KDM4B: variants seen among roughly 807,000 people sequenced by gnomAD.
KDM4B encodes the protein lysine-specific demethylase 4B.
A neutral mutation model predicts 125.2 loss-of-function variants in KDM4B; 32 were observed. That is an observed-to-expected ratio of 0.26 (90% CI 0.19 to 0.34). The LOEUF is 0.34. Ranked by LOEUF, KDM4B falls within the 10% of genes least tolerant of loss-of-function variation. The probability of loss-of-function intolerance (pLI) is 1.00; values close to 1 mark genes in which losing one functional copy is unlikely to be tolerated. For missense variants in KDM4B, 1,190 were observed against 1,577.7 expected (o/e 0.75, Z 4.16); for synonymous variants, 721 against 677.9 (o/e 1.06, Z -0.99).
chr19:5,005,593 T>C (rs1000504403), intron 1 of KDM4B, among the ~76,000 whole-genome samples: 1 of 152,140 alleles, frequency 6.6e-6, no homozygotes, highest in Non-Finnish European at 1.5e-5. Flanking sequence ...GGGGTTCACC[T>C]TCCTTTATTT....
intron 6 of KDM4B, among the ~76,000 whole-genome samples, chr19:5,064,009 G>T (rs1182943532): frequency 6.6e-6 from 1 of 152,212 alleles, no homozygotes; most frequent in Non-Finnish European, 1.5e-5. Flanking sequence ...CCCTGTAGCC[G>T]GCTTGCTCTC....
intron 6 of KDM4B, among the ~76,000 whole-genome samples, chr19:5,068,259 T>A (rs2037838170): frequency 6.6e-6 from 1 of 152,070 alleles, no homozygotes; most frequent in East Asian, 1.9e-4. Context: ...GCTCCCTGAG[T>A]CTCTTGTCCT....
intron 3 of KDM4B, among the ~76,000 whole-genome samples, chr19:5,037,101 T>C (rs1014469089): frequency 3.9e-5 from 6 of 152,228 alleles, no homozygotes; most frequent in African/African-American, 1.4e-4. Context: ...GCGAAGTGTT[T>C]TTGTTCATTT....
rs758530386 is a variant in KDM4B at position 5,132,015 on chromosome 19, G to C, written c.1906+8G>C. 3 of 1,601,428 alleles carry C rather than the reference G, an allele frequency of 1.9e-6. No individual in the cohort carries two copies. The highest frequency in any genetic ancestry group is 2.6e-6 in the Non-Finnish European group (3 of 1,174,654). On this transcript the variant is annotated splice_region_variant and intron_variant, in intron 13 of 22. Transcript: ENST00000159111. Reference sequence around the variant, plus strand: ...AGGCCTCAAGTGACGAGGGTGAGTGGGGGGTCCCCAGGTCGGCTCTCATCA... The same window carrying C: ...AGGCCTCAAGTGACGAGGGTGAGTGCGGGGTCCCCAGGTCGGCTCTCATCA...
rs1234612000 is a variant in KDM4B, at chr19:5,045,975, A to G, written c.433-1501A>G. Among the ~76,000 whole-genome samples, 3 of 152,236 alleles carry G rather than the reference A, an allele frequency of 2.0e-5. No homozygotes were observed. In the East Asian group the frequency reaches 5.8e-4, roughly 29 times the overall value. Reference sequence around the variant, plus strand: ...GGTTAAATTTGAGAGTTTGCTGTGTATTTTGGTTATCAGTTGTGACTTGCA... The same window carrying G: ...GGTTAAATTTGAGAGTTTGCTGTGTGTTTTGGTTATCAGTTGTGACTTGCA... On this transcript the variant is annotated intron_variant, in intron 5 of 22. Coordinates refer to ENST00000159111, the MANE Select transcript of KDM4B (RefSeq NM_015015.3).
At chr19:5,146,337 G>A (rs1002857866) in intron 21 of KDM4B, among the ~76,000 whole-genome samples, 4 of 152,126 alleles carry the variant, frequency 2.6e-5, no homozygotes, top group Non-Finnish European at 4.4e-5. Flanking sequence ...GGCCCCACCC[G>A]GTCACCACTC....
intron 2 of KDM4B, among the ~76,000 whole-genome samples, chr19:5,028,906 T>C (rs529633187): frequency 6.6e-6 from 1 of 152,230 alleles, no homozygotes; most frequent in South Asian, 2.1e-4. Context: ...TTGGCCTGTT[T>C]TTTGCTGGTT....
intron 10 of KDM4B, chr19:5,119,362 C>T (rs1311988528): frequency 3.0e-6 from 2 of 667,482 alleles, no homozygotes; most frequent in African/African-American, 1.8e-5. Context: ...CACCTGGTGT[C>T]AGTCGGCTTC....
At chr19:5,083,129 G>T (rs1250111049) in intron 9 of KDM4B, among the ~76,000 whole-genome samples, 1 of 152,150 alleles carries the variant, frequency 6.6e-6, no homozygotes, top group Non-Finnish European at 1.5e-5. Flanking sequence ...GGTGATTCTC[G>T]TTCCTGGTCT....
rs1375975457 is a variant in KDM4B, at chr19:5,115,000, G to A, written c.1115+4182G>A. Among the ~76,000 whole-genome samples, 8 of 152,206 alleles carry A rather than the reference G, an allele frequency of 5.3e-5. No individual in the cohort carries two copies. The highest frequency in any genetic ancestry group is 7.3e-5 in the Non-Finnish European group (5 of 68,038). On this transcript the variant is annotated intron_variant, in intron 10 of 22. Coordinates refer to ENST00000159111, the MANE Select transcript of KDM4B (RefSeq NM_015015.3). This position sits in a 1 kb window ranked among gnomAD's most constrained non-coding sequence, Gnocchi z 5.8. ...ATTTATCTCCACTCTCTCCTGAAAC[G>A]CCACTGAAACACCAGAGAGTGAAGT... is the stretch of plus-strand genomic sequence containing the variant.
chr19:5,148,247 TGGAGAC>T (rs2039885803), intron 21 of KDM4B, among the ~76,000 whole-genome samples: 1 of 152,198 alleles, frequency 6.6e-6, no homozygotes, highest in Non-Finnish European at 1.5e-5. Context: ...ACTCGCCCTG[TGGAGAC>T]TCATAGTGAA....
chr19:5,015,758 A>C (rs2035872948), intron 1 of KDM4B, among the ~76,000 whole-genome samples: 2 of 152,220 alleles, frequency 1.3e-5, no homozygotes, highest in Non-Finnish European at 2.9e-5. Context: ...CCATCCTACA[A>C]GTATCTGAGC....
chr19:5,142,082 C>T lies in KDM4B; in HGVS notation c.2551-1885C>T, dbSNP rs985797319. 6.6e-6 allele frequency among the ~76,000 whole-genome samples: 1 copy of T among 152,168 alleles called. No individual in the cohort carries two copies. Among genetic ancestry groups the T allele is most frequent in the African/African-American group, 2.4e-5 (1 of 41,438 alleles). ...CTTCATGGGTGGTACCTAGCGGTGACCACCTGCTTCCTCCAGGCCGTGGTG... is the reference window on the plus strand; with the variant it reads ...CTTCATGGGTGGTACCTAGCGGTGATCACCTGCTTCCTCCAGGCCGTGGTG... On this transcript the variant is annotated intron_variant, in intron 18 of 22. Coordinates refer to ENST00000159111, the MANE Select transcript of KDM4B (RefSeq NM_015015.3). This position sits in a 1 kb window ranked among gnomAD's most constrained non-coding sequence, Gnocchi z 5.4.
intron 6 of KDM4B, among the ~76,000 whole-genome samples, chr19:5,051,679 C>T (rs2037228959): frequency 6.6e-6 from 1 of 152,230 alleles, no homozygotes; most frequent in Admixed American, 6.5e-5. Flanking sequence ...AAGGGGGTGT[C>T]CCCCAGGGTC....
intron 9 of KDM4B, among the ~76,000 whole-genome samples, chr19:5,091,301 C>G (rs1242369572): frequency 6.6e-6 from 1 of 152,194 alleles, no homozygotes; most frequent in Non-Finnish European, 1.5e-5. Flanking sequence ...TGAAGCCTGG[C>G]TGGAAGGCTG....
intron 1 of KDM4B, among the ~76,000 whole-genome samples, chr19:5,008,822 C>G (rs1489355065): frequency 6.7e-6 from 1 of 149,648 alleles, no homozygotes; most frequent in African/African-American, 2.5e-5. Context: ...AGGCTGGTAT[C>G]GAACTCCTGA....
At position 4,969,141 on chromosome 19, in the gene KDM4B, G is replaced by T. The variant is rs1485844898; in HGVS notation, c.-198G>T. The T allele has an allele frequency of 4.0e-5, 6 of 151,054 alleles. No individual in the cohort carries two copies. Among genetic ancestry groups the T allele is most frequent in the African/African-American group, 7.3e-5 (3 of 41,330 alleles). 9.4% of individuals were successfully genotyped at this position (151,054 alleles called of 1,614,324 possible). A position where few individuals can be genotyped will look rare whatever the true frequency, so the allele number is the denominator to read the frequency against. ...GCTCGGTCGCCAGCAACCGAGCGGG[G>T]CCCGGCCCGAGCGGGGCCTGGGGGT... On this transcript the variant is annotated 5_prime_UTR_variant, in exon 1 of 23. Coordinates refer to ENST00000159111, the MANE Select transcript of KDM4B (RefSeq NM_015015.3).
chr19:5,038,472 A>T (rs986852295), intron 3 of KDM4B, among the ~76,000 whole-genome samples: 2 of 152,106 alleles, frequency 1.3e-5, no homozygotes, highest in Admixed American at 6.5e-5. Flanking sequence ...TTTCCTTGGG[A>T]CCAGCCTTGT....
chr19:4,986,475 C>T (rs375019580), intron 1 of KDM4B, among the ~76,000 whole-genome samples: 16 of 152,182 alleles, frequency 1.1e-4, no homozygotes, highest in South Asian at 4.1e-4. Context: ...TCCCTGATAG[C>T]AGAAGACAGC....
Sources: gnomAD v4.1 joint callset for allele counts (sites outside exome capture counted in the v4.1 genomes callset) on GRCh38, gnomAD v4.1.1 for gene constraint, Gnocchi (gnomAD v3.1) non-coding constraint, MANE v1.5 for transcripts, NCBI Gene and HGNC (gene_info 2026-07-23, HGNC 2026-07-21) for gene names.